The following NKAIN3 variants were observed in gnomAD, a reference collection of about 807,000 sequenced individuals.
The protein encoded by NKAIN3 is sodium/potassium transporting ATPase interacting 3.
A neutral mutation model predicts 30.2 loss-of-function variants in NKAIN3; 25 were observed. The ratio of observed to expected loss-of-function variants is 0.83; its 90% CI spans 0.60 to 1.16. The LOEUF is 1.16. NKAIN3 is among the 50% of genes most tolerant of loss of function. NKAIN3 has a pLI of 0.00. For missense variants in NKAIN3, 225 were observed against 254.1 expected, an observed-to-expected ratio of 0.89 and a Z score of 0.78; for synonymous variants, 91 against 89.6, an observed-to-expected ratio of 1.02 and a Z score of -0.09.
At chr8:62,423,513 A>T (rs1804711612) in intron 1 of NKAIN3, among the ~76,000 whole-genome samples, 1 of 151,340 alleles carries the variant, frequency 6.6e-6, no homozygotes. Flanking sequence ...GAAACTGTCC[A>T]TCATTCTCAA....
intron 1 of NKAIN3, among the ~76,000 whole-genome samples, chr8:62,269,049 C>T (rs1812694708): frequency 6.6e-6 from 1 of 152,158 alleles, no homozygotes. Context: ...AACATCTGTC[C>T]CTGTCATTGC....
intron 1 of NKAIN3, among the ~76,000 whole-genome samples, chr8:62,284,877 C>T (rs760827814): frequency 3.4e-4 from 51 of 152,102 alleles, no homozygotes; most frequent in Non-Finnish European, 4.1e-4. Flanking sequence ...CAGATTTCCT[C>T]AAGGGCATCT....
chr8:62,801,070 T>A (rs60864810), intron 4 of NKAIN3, among the ~76,000 whole-genome samples: 1 of 151,344 alleles, frequency 6.6e-6, no homozygotes, highest in East Asian at 2.0e-4. Flanking sequence ...GGGGAGGGGC[T>A]CCCACCATTG....
chr8:62,496,285 T>G (rs185769693), intron 1 of NKAIN3, among the ~76,000 whole-genome samples: 6 of 152,240 alleles, frequency 3.9e-5, no homozygotes, highest in Middle Eastern at 3.4e-3. Context: ...CCAATCAGCA[T>G]GAAAAACTGA....
At chr8:62,809,638 T>C (rs944831115) in intron 4 of NKAIN3, among the ~76,000 whole-genome samples, 1 of 152,322 alleles carries the variant, frequency 6.6e-6, no homozygotes, top group East Asian at 1.9e-4. Context: ...GCATTTATCT[T>C]ATCAAAATAA....
chr8:62,633,962 A>G (rs1259194766), intron 3 of NKAIN3, among the ~76,000 whole-genome samples: 1 of 152,058 alleles, frequency 6.6e-6, no homozygotes, highest in Admixed American at 6.6e-5. Context: ...TAGATTTTGG[A>G]CTATCCTTCC....
At chr8:62,870,182 C>T (rs1820555700) in intron 4 of NKAIN3, among the ~76,000 whole-genome samples, 1 of 51,724 alleles carries the variant, frequency 1.9e-5, no homozygotes, top group Non-Finnish European at 4.6e-5. Context: ...TCCTGTGAGC[C>T]AAGTCTCCCT....
intron 3 of NKAIN3, among the ~76,000 whole-genome samples, chr8:62,654,286 C>G (rs1322152545): frequency 6.6e-6 from 1 of 151,426 alleles, no homozygotes; most frequent in East Asian, 1.9e-4. Context: ...AAAGAAAAGG[C>G]AAATAGAAAG....
intron 5 of NKAIN3, among the ~76,000 whole-genome samples, chr8:62,992,294 G>A (rs1033690743): frequency 1.3e-5 from 2 of 152,010 alleles, no homozygotes; most frequent in Admixed American, 1.3e-4. Flanking sequence ...TTACAGGCAT[G>A]AGCCACCACT....
At chr8:62,458,414 C>A (rs2129599304) in intron 1 of NKAIN3, among the ~76,000 whole-genome samples, 1 of 152,258 alleles carries the variant, frequency 6.6e-6, no homozygotes, top group South Asian at 2.1e-4. Flanking sequence ...TCCATGGGAA[C>A]CAGACTGCAG....
intron 1 of NKAIN3, among the ~76,000 whole-genome samples, chr8:62,411,734 A>T (rs1236473253): frequency 6.6e-6 from 1 of 151,768 alleles, no homozygotes; most frequent in East Asian, 2.0e-4. Context: ...GTGTACAATA[A>T]TCAGTAGCAT....
chr8:62,496,787 A>G (rs919720803), intron 1 of NKAIN3, among the ~76,000 whole-genome samples: 2 of 152,208 alleles, frequency 1.3e-5, no homozygotes, highest in Admixed American at 1.3e-4. Flanking sequence ...GATTAGACTA[A>G]CTTTAGCTCC....
At chr8:62,718,431 C>T (rs1415913890) in intron 3 of NKAIN3, among the ~76,000 whole-genome samples, 2 of 152,192 alleles carry the variant, frequency 1.3e-5, no homozygotes, top group African/African-American at 4.8e-5. Context: ...CCAAGACAGT[C>T]AAATCATTAT....
chr8:62,766,347 A>G (rs1408224735), intron 4 of NKAIN3, among the ~76,000 whole-genome samples: 1 of 152,230 alleles, frequency 6.6e-6, no homozygotes, highest in African/African-American at 2.4e-5. Flanking sequence ...CGGCTTGCCT[A>G]GAATCATACA....
chr8:62,930,729 A>C (rs781680622), intron 5 of NKAIN3, among the ~76,000 whole-genome samples: 1 of 146,544 alleles, frequency 6.8e-6, no homozygotes, highest in Non-Finnish European at 1.5e-5. Context: ...TTTGAGACGG[A>C]GTCTCACTCT....
At chr8:62,486,108 C>A (rs974590851) in intron 1 of NKAIN3, among the ~76,000 whole-genome samples, 6 of 151,970 alleles carry the variant, frequency 3.9e-5, no homozygotes, top group African/African-American at 1.5e-4. Context: ...ATCAAGACCA[C>A]CAAAACAAAA....
chr8:62,393,974 G>A (rs2129594727), intron 1 of NKAIN3, among the ~76,000 whole-genome samples: 2 of 152,184 alleles, frequency 1.3e-5, no homozygotes, highest in Middle Eastern at 6.8e-3. Context: ...ATTAGCTTTA[G>A]GAAGCTTTAT....
chr8:62,985,509 G>A (rs1419793345), downstream of NKAIN3, among the ~76,000 whole-genome samples: 1 of 152,118 alleles, frequency 6.6e-6, no homozygotes, highest in South Asian at 2.1e-4. Context: ...TCTGAGACAG[G>A]TCATCAAAAC....
At chr8:62,454,301 C>CAAAAAAAGAAAAAAAAAAAA (rs1805742627) in intron 1 of NKAIN3, among the ~76,000 whole-genome samples, 1 of 56,152 alleles carries the variant, frequency 1.8e-5, no homozygotes, top group Non-Finnish European at 3.8e-5. Context: ...AGCTGATGTG[C>CAAAAAAAGAAAAAAAAAAAA]AAAAAAAAAA....
Sources: gnomAD v4.1 joint callset for allele counts (sites outside exome capture counted in the v4.1 genomes callset) on GRCh38, gnomAD v4.1.1 for gene constraint, MANE v1.5 for transcripts, NCBI Gene and HGNC (gene_info 2026-07-23, HGNC 2026-07-21) for gene names.